Variants in FOXP2 observed in about 807,000 individuals in gnomAD.
The protein encoded by FOXP2 is forkhead box protein P2.
Under a neutral mutation model 115.8 loss-of-function variants are expected in FOXP2, and 12 were observed. That is an observed-to-expected ratio of 0.10 (90% CI 0.07 to 0.17). The LOEUF is 0.17. Among genes scored for constraint, FOXP2 ranks in the 10% least tolerant of loss-of-function variants. The probability of loss-of-function intolerance (pLI) is 1.00; values close to 1 mark genes in which losing one functional copy is unlikely to be tolerated. For synonymous variants in FOXP2, 328 were observed against 297.7 expected, an observed-to-expected ratio of 1.10 and a Z score of -1.05; for missense variants, 629 against 843.5, an observed-to-expected ratio of 0.75 and a Z score of 3.15.
chr7:114,143,147 CAATAATAATAATAATAAT>C (rs77761140), intron 1 of FOXP2, among the ~76,000 whole-genome samples: 4 of 139,552 alleles, frequency 2.9e-5, no homozygotes, highest in Non-Finnish European at 3.1e-5. Flanking sequence ...GACCCTGTCT[CAATAATAATAATAATAAT>C]AATAATAATA....
intron 1 of FOXP2, among the ~76,000 whole-genome samples, chr7:114,194,868 A>C (rs1793862284): frequency 1.3e-5 from 2 of 152,218 alleles, no homozygotes; most frequent in African/African-American, 4.8e-5. Context: ...TTAAGAACAC[A>C]GATATAGGAC....
At chr7:114,134,251 G>A (rs1355384964) in intron 1 of FOXP2, among the ~76,000 whole-genome samples, 1 of 152,150 alleles carries the variant, frequency 6.6e-6, no homozygotes, top group Admixed American at 6.5e-5. Flanking sequence ...ATATCTCAGA[G>A]GGGGTTCAAG....
At chr7:114,501,827 A>T (rs909930191) in intron 2 of FOXP2, among the ~76,000 whole-genome samples, 1 of 152,122 alleles carries the variant, frequency 6.6e-6, no homozygotes, top group African/African-American at 2.4e-5. Flanking sequence ...TCTTGTAAGG[A>T]TATGGAAAAA....
intron 2 of FOXP2, among the ~76,000 whole-genome samples, chr7:114,384,177 G>A (rs895177303): frequency 6.6e-6 from 1 of 152,122 alleles, no homozygotes; most frequent in African/African-American, 2.4e-5. Context: ...AAAGAAAGCG[G>A]TCCGGGCTGC....
In FOXP2 at chr7:114,420,518, T is replaced by A. The variant is rs540891462; in HGVS notation, c.-11+5158T>A. Among the ~76,000 whole-genome samples the A allele has an allele frequency of 2.6e-5, 4 of 152,076 alleles. No individual in the cohort carries two copies. The East Asian group carries it at 7.8e-4, about 30-fold the overall frequency. On this transcript the variant is annotated intron_variant, in intron 1 of 16. Coordinates refer to ENST00000350908, the MANE Select transcript of FOXP2 (RefSeq NM_014491.4). ...AAAATCTGTGACAGAATATACTTGC[T>A]TACCTGGTGTCTTGTAAACTGTAGC...
chr7:114,420,649 AT>A (rs1793579191), intron 1 of FOXP2, among the ~76,000 whole-genome samples: 1 of 151,874 alleles, frequency 6.6e-6, no homozygotes, highest in Non-Finnish European at 1.5e-5. Context: ...ATTGCAAAAA[AT>A]ATTACATTTT....
chr7:114,681,867 G>C (rs990795978), intron 16 of FOXP2, among the ~76,000 whole-genome samples: 1 of 152,088 alleles, frequency 6.6e-6, no homozygotes, highest in Non-Finnish European at 1.5e-5. Flanking sequence ...TTTTGATACA[G>C]TAATAAAAAT....
At chr7:114,249,370 G>T (rs565487502) in intron 1 of FOXP2, among the ~76,000 whole-genome samples, 1 of 150,628 alleles carries the variant, frequency 6.6e-6, no homozygotes, top group Non-Finnish European at 1.5e-5. Flanking sequence ...CTTCCCCCCC[G>T]TTCCCCCCAG....
At position 114,252,661 on chromosome 7, in the gene FOXP2, C is replaced by G. The variant is rs61925868; in HGVS notation, c.-101-35358C>G. On this transcript the variant is annotated intron_variant, in intron 1 of 17. Transcript: ENST00000634411. ...ATATCCCCTTTATCATTTTTTATTA[C>G]GTCTATTTGATTCTTCTCTCTTTTC... is the stretch of plus-strand genomic sequence containing the variant. Among the ~76,000 whole-genome samples the G allele has an allele frequency of 5.3e-5, 8 of 151,832 alleles. No individual in the cohort carries two copies. The East Asian group carries it at 1.6e-3, about 29-fold the overall frequency.
At chr7:114,101,311 A>T (rs1477216683) in intron 1 of FOXP2, among the ~76,000 whole-genome samples, 1 of 152,196 alleles carries the variant, frequency 6.6e-6, no homozygotes, top group Non-Finnish European at 1.5e-5. Flanking sequence ...CTAACAAGAC[A>T]TGCAGAAACA....
At chr7:114,248,398 A>T (rs1795347032) in intron 1 of FOXP2, among the ~76,000 whole-genome samples, 1 of 152,148 alleles carries the variant, frequency 6.6e-6, no homozygotes, top group Non-Finnish European at 1.5e-5. Context: ...GTATCTGGGC[A>T]CCTCATGGCC....
At chr7:114,322,693 G>A (rs149578126) in intron 2 of FOXP2, among the ~76,000 whole-genome samples, 2,091 of 152,038 alleles carry the variant, frequency 0.014, 22 homozygotes, top group African/African-American at 0.023. Context: ...TTTTTCTAAG[G>A]CTAGAGTCCA....
intron 2 of FOXP2, among the ~76,000 whole-genome samples, chr7:114,302,696 A>G (rs1033943824): frequency 2.0e-5 from 3 of 152,166 alleles, no homozygotes; most frequent in Non-Finnish European, 4.4e-5. Context: ...GCTAACGAAT[A>G]TGGCACAGAT....
chr7:114,334,310 G>A (rs889328714), intron 2 of FOXP2, among the ~76,000 whole-genome samples: 5 of 151,452 alleles, frequency 3.3e-5, no homozygotes, highest in African/African-American at 1.2e-4. Context: ...TGTCCTTAAA[G>A]TGTAATTTCA....
Position 114,692,522 on chromosome 7 carries a change from A to G in FOXP2, c.*2596A>G, listed in dbSNP as rs1459875275. The G allele has an allele frequency of 2.2e-6, 1 of 454,148 alleles. No individual in the cohort carries two copies. 28.1% of individuals were successfully genotyped at this position (454,148 alleles called of 1,614,324 possible). A position where few individuals can be genotyped will look rare whatever the true frequency, so the allele number is the denominator to read the frequency against. On this transcript the variant is annotated 3_prime_UTR_variant, in exon 17 of 17. Coordinates refer to ENST00000350908, the MANE Select transcript of FOXP2 (RefSeq NM_014491.4). Reference sequence around the variant, plus strand: ...CCCATAAATGACCAGACTTTTTCTAAGAAAAATGTTGCTTTAATGCATTTC... The same window carrying G: ...CCCATAAATGACCAGACTTTTTCTAGGAAAAATGTTGCTTTAATGCATTTC...
At chr7:114,316,981 A>C (rs1427435107) in intron 2 of FOXP2, among the ~76,000 whole-genome samples, 2 of 152,198 alleles carry the variant, frequency 1.3e-5, no homozygotes, top group Non-Finnish European at 2.9e-5. Flanking sequence ...ACCCAGAATC[A>C]CCTGCTCCAG....
At chr7:114,618,689 C>T (rs553247207) in intron 3 of FOXP2, among the ~76,000 whole-genome samples, 1 of 152,214 alleles carries the variant, frequency 6.6e-6, no homozygotes, top group South Asian at 2.1e-4. Flanking sequence ...TCACTTTGTT[C>T]TATTTACTTA....
chr7:114,458,773 T>TGCTTCCAAATTGCTTGAC (rs1795434215), intron 2 of FOXP2, among the ~76,000 whole-genome samples: 1 of 152,102 alleles, frequency 6.6e-6, no homozygotes, highest in African/African-American at 2.4e-5. Context: ...AATTGCTTGA[T>TGCTTCCAAATTGCTTGAC]GCTTCCAAAT....
chr7:114,626,472 C>G (rs1022111532), intron 3 of FOXP2, among the ~76,000 whole-genome samples: 5 of 151,506 alleles, frequency 3.3e-5, no homozygotes, highest in Admixed American at 2.6e-4. Flanking sequence ...AAATAAGGAG[C>G]GGTTATGTAA....
Sources: gnomAD v4.1 joint callset for allele counts (sites outside exome capture counted in the v4.1 genomes callset) on GRCh38, gnomAD v4.1.1 for gene constraint, MANE v1.5 for transcripts, NCBI Gene and HGNC (gene_info 2026-07-23, HGNC 2026-07-21) for gene names.